The following SHROOM2 variants were observed in gnomAD, a reference collection of about 807,000 sequenced individuals.
SHROOM2 encodes protein Shroom2.
Under a neutral mutation model 75.9 loss-of-function variants are expected in SHROOM2, and 33 were observed. The ratio of observed to expected loss-of-function variants is 0.43; its 90% CI spans 0.33 to 0.58. The LOEUF (loss-of-function observed/expected upper bound fraction) is 0.58. SHROOM2 is among the 20% of genes least tolerant of loss of function. The pLI is 0.04. For missense variants in SHROOM2, 1,434 were observed against 1,461.2 expected (o/e 0.98, Z 0.30); for synonymous variants, 655 against 663.6 (o/e 0.99, Z 0.20).
chrX:9,833,572 G>T (rs1457880679), intron 1 of SHROOM2, among the ~76,000 whole-genome samples: 1 of 108,236 alleles, frequency 9.2e-6, no homozygotes, highest in African/African-American at 3.4e-5. Context: ...AGCGCTGAAG[G>T]ACTCCACTGA....
intron 4 of SHROOM2, among the ~76,000 whole-genome samples, chrX:9,897,224 C>T (rs906431896): frequency 2.7e-5 from 3 of 111,693 alleles, no homozygotes; most frequent in African/African-American, 6.5e-5. Flanking sequence ...TAAGTGATTG[C>T]ACTTTATTAA....
Position 9,895,873 on chromosome X carries a change from G to A in SHROOM2, c.1965G>A (p.Glu655=). Residue 655 remains glutamate (E), a synonymous_variant, in exon 4 of 10, where the codon GAG becomes GAA. Coordinates refer to ENST00000380913, the MANE Select transcript of SHROOM2 (RefSeq NM_001649.4). ...CAGTGGCTCTGACTGCAGCAGGGGA[G>A]GCGGAGGATGGCACCGGCCGCTGGA... ...RSTVALTAAG[E]AEDGTGRWRA... 1 of 1,202,891 alleles carries A rather than the reference G, an allele frequency of 8.3e-7. No homozygotes were observed. The highest frequency in any genetic ancestry group is 3.0e-5 in the East Asian group (1 of 33,694).
In SHROOM2 at chrX:9,895,740, C is replaced by A; in HGVS notation, c.1832C>A (p.Pro611Gln). The A allele has an allele frequency of 8.4e-7, 1 of 1,197,079 alleles. No homozygotes were observed. Among genetic ancestry groups the A allele is most frequent in the East Asian group, 3.0e-5 (1 of 33,270 alleles). The change falls in exon 4 of 10, where the codon CCG becomes CAG. Residue 611 changes from proline (P) to glutamine (Q), a missense_variant. Coordinates refer to ENST00000380913, the MANE Select transcript of SHROOM2 (RefSeq NM_001649.4). ...SPEDSATRPPPFDAHVGKPTR... is the reference protein window; with the variant it reads ...SPEDSATRPPQFDAHVGKPTR... ...GAGGACAGCGCCACCAGACCGCCAC[C>A]GTTCGACGCCCACGTGGGCAAGCCC...
At chrX:9,928,698 A>G (rs984959410) in intron 5 of SHROOM2, among the ~76,000 whole-genome samples, 1 of 110,919 alleles carries the variant, frequency 9.0e-6, no homozygotes, top group Non-Finnish European at 1.9e-5. Flanking sequence ...GCACACACAT[A>G]CAACACACAT....
At position 9,948,714 on chromosome X, in the gene SHROOM2, C is replaced by T. The variant is rs926365854; in HGVS notation, c.*1777C>T. On this transcript the variant is annotated 3_prime_UTR_variant, in exon 10 of 10. Transcript: ENST00000380913. The stretch of plus-strand genomic sequence containing the variant: ...AATGCCAAAAGGATAAATGTCTTTC[C>T]AAAAGTGTGTATTCCTGTTAAATTA... 2 of 113,020 alleles carry T rather than the reference C, an allele frequency of 1.8e-5. No homozygotes were observed. Among genetic ancestry groups the T allele is most frequent in the African/African-American group, 6.4e-5 (2 of 31,043 alleles). The allele number at this position is 113,020 out of a possible 1,213,427, so 9.3% of individuals were successfully genotyped here.
Position 9,937,620 on chromosome X carries a change from G to A in SHROOM2, c.4074G>A (p.Leu1358=). 8.3e-7 allele frequency: 1 copy of A among 1,210,571 alleles called. No homozygotes were observed. Among genetic ancestry groups the A allele is most frequent in the Non-Finnish European group, 1.1e-6 (1 of 894,916 alleles). The change falls in exon 7 of 10, where the codon CTG becomes CTA. Residue 1358 remains leucine (L), a synonymous_variant. Transcript: ENST00000380913. The stretch of plus-strand genomic sequence containing the variant: ...TCTTCCCCAAAGACGAGCACCTCCT[G>A]GAAGAAGCCCAGCAACGGAGGAAGC... ...EGIFPKDEHL[L]EEAQQRRKLL... is the part of the protein sequence containing the mutation.
At chrX:9,883,677 G>A (rs2084243981) in intron 2 of SHROOM2, among the ~76,000 whole-genome samples, 1 of 110,567 alleles carries the variant, frequency 9.0e-6, no homozygotes, top group Non-Finnish European at 1.9e-5. Context: ...ACCTGGCCAG[G>A]GCTGTGTTGC....
intron 3 of SHROOM2, among the ~76,000 whole-genome samples, chrX:9,892,344 A>T (rs577317137): frequency 9.0e-6 from 1 of 110,741 alleles, no homozygotes; most frequent in East Asian, 2.8e-4. Context: ...AGACAACTGA[A>T]ATATAACATT....
Position 9,907,464 on chromosome X carries a change from TC to T in SHROOM2, c.2891+9176del, listed in dbSNP as rs202037833. Among the ~76,000 whole-genome samples, 562 of 110,880 alleles carry T rather than the reference TC, an allele frequency of 5.1e-3. 4 individuals carry two copies. The highest frequency in any genetic ancestry group is 0.016 in the African/African-American group (498 of 30,493). On this transcript the variant is annotated intron_variant, in intron 5 of 9. Transcript: ENST00000380913. ...GCATCCCATCCTTCCTCAGATCACTTCCGGAATCATCTGCAGAGTTTGGGTT... is the reference window on the plus strand; with the variant it reads ...GCATCCCATCCTTCCTCAGATCACTTCGGAATCATCTGCAGAGTTTGGGTT...
chrX:9,787,184 C>A (rs1800079823), intron 1 of SHROOM2, among the ~76,000 whole-genome samples: 1 of 112,310 alleles, frequency 8.9e-6, no homozygotes, highest in African/African-American at 3.2e-5. Context: ...CCCTTCAGCC[C>A]ATCAATGTTT....
intron 2 of SHROOM2, among the ~76,000 whole-genome samples, chrX:9,875,110 A>AAAAAAAAAAAAAAAAAAAAAAAAAAAAG (rs2084192753): frequency 1.1e-5 from 1 of 93,116 alleles, no homozygotes; most frequent in Non-Finnish European, 2.1e-5. Context: ...AAAAAAAAAA[A>AAAAAAAAAAAAAAAAAAAAAAAAAAAAG]GGGGAGGAAG....
chrX:9,890,910 T>C, intron 2 of SHROOM2, 67 bp from the exon 3 acceptor site: 1 of 1,104,577 alleles, frequency 9.1e-7, no homozygotes, highest in Non-Finnish European at 1.2e-6. Flanking sequence ...CCCCCTGCAC[T>C]GTTTGGCACG....
rs1436290768 is a variant in SHROOM2 at position 9,946,910 on chromosome X, C to T, written c.4824C>T (p.Asp1608=). The T allele has an allele frequency of 1.7e-6, 2 of 1,195,200 alleles. No individual in the cohort carries two copies. Among genetic ancestry groups the T allele is most frequent in the Non-Finnish European group, 1.1e-6 (1 of 887,336 alleles). The change falls in exon 10 of 10, where the codon GAC becomes GAT. Residue 1608 remains aspartate, a synonymous_variant. Transcript: ENST00000380913. ...LGEEQLKCLL[D]SLQPERGK ...AAGAGCAGCTGAAGTGCTTATTGGA[C>T]AGCCTTCAGCCCGAAAGGGGCAAAT...
intron 8 of SHROOM2, among the ~76,000 whole-genome samples, chrX:9,941,832 G>A (rs992529964): frequency 1.3e-4 from 14 of 108,625 alleles, no homozygotes; most frequent in South Asian, 1.2e-3. Context: ...TTAGCCAGGC[G>A]TGGTGGCGGG....
chrX:9,840,949 TG>T (rs1353421182), intron 1 of SHROOM2, among the ~76,000 whole-genome samples: 1 of 112,299 alleles, frequency 8.9e-6, no homozygotes, highest in African/African-American at 3.2e-5. Flanking sequence ...GAAAGATTTT[TG>T]TTGTTGTTGT....
intron 7 of SHROOM2, among the ~76,000 whole-genome samples, chrX:9,938,118 C>T (rs1046741258): frequency 9.0e-6 from 1 of 111,459 alleles, no homozygotes; most frequent in Non-Finnish European, 1.9e-5. Context: ...AGGGCCCCCC[C>T]CACAGAGAGT....
intron 2 of SHROOM2, among the ~76,000 whole-genome samples, chrX:9,882,172 T>G (rs113531326): frequency 0.029 from 2,270 of 78,090 alleles, 85 homozygotes; most frequent in African/African-American, 0.1. Flanking sequence ...CTGCAATCCC[T>G]TGTTGCTTTT....
intron 5 of SHROOM2, among the ~76,000 whole-genome samples, chrX:9,928,770 T>C (rs1452608616): frequency 3.6e-5 from 4 of 111,174 alleles, no homozygotes. Flanking sequence ...AACATACATC[T>C]ACACACAGAC....
At position 9,932,629 on chromosome X, in the gene SHROOM2, T is replaced by G. The variant is rs1450516998; in HGVS notation, c.3346T>G (p.Ser1116Ala). The part of the protein sequence containing the change: ...VARLSLSHSP[S>A]VFSSAQPQDT... Reference sequence around the variant, plus strand: ...CCGCCTGTCCCTCTCCCACAGCCCCTCTGTGTTCAGCAGTGCCCAGCCCCA... The same window carrying G: ...CCGCCTGTCCCTCTCCCACAGCCCCGCTGTGTTCAGCAGTGCCCAGCCCCA... The change falls in exon 6 of 10, where the codon TCT becomes GCT. Residue 1116 changes from serine to alanine, a missense_variant. By Grantham distance (99) the Ser-to-Ala change is moderately conservative. This residue lies in a region of SHROOM2 where 1,340 missense variants were observed against 1,338.3 expected (regional missense o/e 1.00). Coordinates refer to ENST00000380913, the MANE Select transcript of SHROOM2 (RefSeq NM_001649.4). 3 of 1,208,789 alleles carry G rather than the reference T, an allele frequency of 2.5e-6. No homozygotes were observed. Among genetic ancestry groups the G allele is most frequent in the Non-Finnish European group, 3.4e-6 (3 of 894,511 alleles).
Sources: gnomAD v4.1 joint callset for allele counts (sites outside exome capture counted in the v4.1 genomes callset) on GRCh38, gnomAD v4.1.1 for gene constraint, gnomAD v4.1.1 regional missense constraint, MANE v1.5 for transcripts, NCBI Gene and HGNC (gene_info 2026-07-23, HGNC 2026-07-21) for gene names.